Variants in BRPF1 observed in about 807,000 individuals in gnomAD.
BRPF1 encodes the protein peregrin.
In BRPF1, 15 loss-of-function variants were observed where a neutral mutation model predicts 115.0. The observed-to-expected ratio is 0.13, with a 90% CI of 0.09 to 0.20. BRPF1 has a LOEUF of 0.20. Among genes scored for constraint, BRPF1 ranks in the 10% least tolerant of loss-of-function variants. The probability of loss-of-function intolerance (pLI) is 1.00; values close to 1 mark genes in which losing one functional copy is unlikely to be tolerated. For synonymous variants in BRPF1, 647 were observed against 619.8 expected (o/e 1.04, Z -0.65); for missense variants, 1,118 against 1,638.3 (o/e 0.68, Z 5.48).
intron 6 of BRPF1, 146 bp from the exon 7 acceptor site, chr3:9,742,798 C>T (rs1045313741): frequency 4.8e-5 from 46 of 957,216 alleles, no homozygotes; most frequent in Non-Finnish European, 6.7e-5. Flanking sequence ...CAGAATCCAG[C>T]TTTCCTTTCC....
At chr3:9,735,105 C>G (rs772974943) in intron 2 of BRPF1, among the ~76,000 whole-genome samples, 1 of 151,050 alleles carries the variant, frequency 6.6e-6, no homozygotes, top group Non-Finnish European at 1.5e-5. Flanking sequence ...TTCCTCCTTC[C>G]GTGCTTAAGT....
At chr3:9,736,052 C>CTG (rs1408627312) in intron 2 of BRPF1, among the ~76,000 whole-genome samples, 14 of 40 alleles carry the variant, frequency 0.35, 1 homozygote, top group Admixed American at 0.5. Flanking sequence ...CGCTCTGTCA[C>CTG]CCAGGCTGGA....
At position 9,734,577 on chromosome 3, in the gene BRPF1, C is replaced by T. The variant is rs1357592835; in HGVS notation, c.437C>T (p.Pro146Leu). 1 of 1,614,102 alleles carries T rather than the reference C, an allele frequency of 6.2e-7. No homozygotes were observed. Among genetic ancestry groups the T allele is most frequent in the Non-Finnish European group, 8.5e-7 (1 of 1,180,030 alleles). The change falls in exon 2 of 14, where the codon CCC (proline) becomes CTC (leucine). Residue 146 changes from proline to leucine, a missense_variant. Transcript: ENST00000383829. The surrounding 1 kb of genome is among the most constrained non-coding windows in gnomAD (Gnocchi z 5.7). Reference protein sequence around the residue: ...KENTETPAATPKSGKHKNKEK... With the variant: ...KENTETPAATLKSGKHKNKEK... ...AACACTGAGACACCAGCTGCTACTC[C>T]CAAGTCAGGCAAACATAAGAACAAG...
At chr3:9,744,138 C>CT in intron 8 of BRPF1, 86 bp from the exon 9 acceptor site, 2 of 1,435,418 alleles carry the variant, frequency 1.4e-6, no homozygotes, top group South Asian at 2.9e-5. Flanking sequence ...AGTAATGGTC[C>CT]TATATGCCCA....
At position 9,745,872 on chromosome 3, in the gene BRPF1, T is replaced by C; in HGVS notation, c.3266T>C (p.Leu1089Pro). The part of the protein sequence containing the change: ...GWLSEDEDSP[L>P]DALDLVWAKC... ...CTGTCAGAGGATGAGGACTCCCCGC[T>C]GGATGCTCTGGACCTCGTGTGGGCC... Residue 1089 changes from leucine to proline, a missense_variant, in exon 12 of 14, where the codon CTG (leucine) becomes CCG (proline). Leu to Pro is a moderately conservative substitution (Grantham distance 98). Around this residue, in one of 10 missense-constraint regions of BRPF1, gnomAD observed 100 missense variants for 109.9 expected, o/e 0.91. Transcript: ENST00000383829. This position sits in a 1 kb window ranked among gnomAD's most constrained non-coding sequence, Gnocchi z 5.1. The C allele has an allele frequency of 6.2e-7, 1 of 1,614,190 alleles. No individual in the cohort carries two copies. The highest frequency in any genetic ancestry group is 8.5e-7 in the Non-Finnish European group (1 of 1,180,028).
rs147640432 is a variant in BRPF1, at chr3:9,746,690, T to C, written c.3479+236T>C. 2.8e-3 allele frequency among the ~76,000 whole-genome samples: 430 copies of C among 152,250 alleles called. 2 individuals carry two copies. Among genetic ancestry groups the C allele is most frequent in the Non-Finnish European group, 4.7e-3 (321 of 68,014 alleles). The stretch of plus-strand genomic sequence containing the variant: ...AAACCAAAGGACCATCAGAGACTTA[T>C]GACAAATATAGAGGTGGCTCCCACC... On this transcript the variant is annotated intron_variant, in intron 13 of 13. Transcript: ENST00000383829.
At position 9,743,215 on chromosome 3, in the gene BRPF1, G is replaced by T; in HGVS notation, c.2273G>T (p.Ser758Ile). Residue 758 changes from serine (S) to isoleucine (I), a missense_variant, in exon 7 of 14, where the codon AGC becomes ATC. Ser to Ile is a moderately radical substitution (Grantham distance 142). This residue lies in a region of BRPF1 where 223 missense variants were observed against 240.7 expected (regional missense o/e 0.93). Coordinates refer to ENST00000383829, the MANE Select transcript of BRPF1 (RefSeq NM_001003694.2). This position sits in a 1 kb window ranked among gnomAD's most constrained non-coding sequence, Gnocchi z 6.1. ...GAGACGGGCATGCATATCCCCCACA[G>T]CCTGGCTGGAGATGAGGCCACACAC... ...DFETGMHIPH[S>I]LAGDEATHHT... 1 of 1,614,144 alleles carries T rather than the reference G, an allele frequency of 6.2e-7. No individual in the cohort carries two copies. Among genetic ancestry groups the T allele is most frequent in the Non-Finnish European group, 8.5e-7 (1 of 1,179,988 alleles).
In BRPF1 at chr3:9,743,791, G is replaced by T. The variant is rs368809369; in HGVS notation, c.2525G>T (p.Arg842Leu). Residue 842 changes from arginine to leucine, a missense_variant, in exon 8 of 14, where the codon CGG becomes CTG. Physicochemically the swap from Arg to Leu is moderately radical, Grantham distance 102. Coordinates refer to ENST00000383829, the MANE Select transcript of BRPF1 (RefSeq NM_001003694.2). This position sits in a 1 kb window ranked among gnomAD's most constrained non-coding sequence, Gnocchi z 6.1. ...QRETGRDGPE[R>L]HGPSSRGSLT... is the part of the protein sequence containing the mutation. ...GAGACGGGACGTGATGGCCCTGAGC[G>T]GCATGGCCCCTCGAGCCGGGGTAGT... 1.9e-6 allele frequency: 3 copies of T among 1,613,494 alleles called. No individual in the cohort carries two copies. The African/African-American group carries it at 4.0e-5, about 22-fold the overall frequency.
Position 9,743,242 on chromosome 3 carries a change from A to T in BRPF1, c.2300A>T (p.His767Leu), listed in dbSNP as rs2077062119. 1 of 1,612,346 alleles carries T rather than the reference A, an allele frequency of 6.2e-7. No individual in the cohort carries two copies. Among genetic ancestry groups the T allele is most frequent in the Non-Finnish European group, 8.5e-7 (1 of 1,178,746 alleles). ...CTGGCTGGAGATGAGGCCACACACCACACTGAAGATGGTGGGTGATATATC... is the reference window on the plus strand; with the variant it reads ...CTGGCTGGAGATGAGGCCACACACCTCACTGAAGATGGTGGGTGATATATC... The part of the protein sequence containing the change: ...HSLAGDEATH[H>L]TEDAAEEERL... The change falls in exon 7 of 14, where the codon CAC becomes CTC. Residue 767 changes from histidine to leucine, a missense_variant. Coordinates refer to ENST00000383829, the MANE Select transcript of BRPF1 (RefSeq NM_001003694.2). The surrounding 1 kb of genome is among the most constrained non-coding windows in gnomAD (Gnocchi z 6.1).
rs2077151716 is a variant in BRPF1, at chr3:9,747,712, G to C, written c.*363G>C. The C allele has an allele frequency of 5.2e-6, 1 of 192,244 alleles. No homozygotes were observed. The highest frequency in any genetic ancestry group is 1.4e-4 in the South Asian group (1 of 6,936). The allele number at this position is 192,244 out of a possible 1,614,324, so 11.9% of individuals were successfully genotyped here. Reference sequence around the variant, plus strand: ...GAATCCATAACTGCCTAGAGGCCTGGGGCCCCTACCGGTCGTGAGGTGAGT... The same window carrying C: ...GAATCCATAACTGCCTAGAGGCCTGCGGCCCCTACCGGTCGTGAGGTGAGT... On this transcript the variant is annotated 3_prime_UTR_variant, in exon 14 of 14. Coordinates refer to ENST00000383829, the MANE Select transcript of BRPF1 (RefSeq NM_001003694.2). The surrounding 1 kb of genome is among the most constrained non-coding windows in gnomAD (Gnocchi z 5.6).
At position 9,739,239 on chromosome 3, in the gene BRPF1, T is replaced by C. The variant is rs143788941; in HGVS notation, c.840T>C (p.Asn280=). 1.9e-6 allele frequency: 3 copies of C among 1,613,230 alleles called. No homozygotes were observed. Among genetic ancestry groups the C allele is most frequent in the African/African-American group, 1.3e-5 (1 of 74,898 alleles). ...VDEDAVCCIC[N]DGECQNSNVI... Reference sequence around the variant, plus strand: ...AGGATGCTGTTTGCTGTATCTGCAATGATGGTGAGTGCCAGAACAGCAATG... The same window carrying C: ...AGGATGCTGTTTGCTGTATCTGCAACGATGGTGAGTGCCAGAACAGCAATG... The change falls in exon 3 of 14, where the codon AAT becomes AAC. Residue 280 remains asparagine (N), a synonymous_variant. Coordinates refer to ENST00000383829, the MANE Select transcript of BRPF1 (RefSeq NM_001003694.2).
Position 9,745,683 on chromosome 3 carries a change from G to C in BRPF1, c.3179G>C (p.Gly1060Ala), listed in dbSNP as rs772219277. ...SGTENEAYSV[G>A]TGRGVGHSMV... is the part of the protein sequence containing the mutation. ...ACTGAGAATGAGGCCTACTCCGTGG[G>C]CACTGGCCGCGGCGTGGGCCACAGC... is the stretch of plus-strand genomic sequence containing the variant. Residue 1060 changes from glycine to alanine, a missense_variant, in exon 11 of 14, where the codon GGC becomes GCC. Physicochemically the swap from Gly to Ala is moderately conservative, Grantham distance 60 (BLOSUM62 0). Coordinates refer to ENST00000383829, the MANE Select transcript of BRPF1 (RefSeq NM_001003694.2). This position sits in a 1 kb window ranked among gnomAD's most constrained non-coding sequence, Gnocchi z 5.1. 6.2e-7 allele frequency: 1 copy of C among 1,614,222 alleles called. No individual in the cohort carries two copies. The highest frequency in any genetic ancestry group is 8.5e-7 in the Non-Finnish European group (1 of 1,180,018).
In BRPF1 at chr3:9,745,958, C is replaced by G. The variant is rs1262071604; in HGVS notation, c.3324+28C>G. ...ATGCTTGCTTCTGTTACACTTCTTG[C>G]TTTCCAATCCCAGAATACAGATTCA... On this transcript the variant is annotated intron_variant, in intron 12 of 13. Coordinates refer to ENST00000383829, the MANE Select transcript of BRPF1 (RefSeq NM_001003694.2). The surrounding 1 kb of genome is among the most constrained non-coding windows in gnomAD (Gnocchi z 5.1). 1 of 1,590,304 alleles carries G rather than the reference C, an allele frequency of 6.3e-7. No homozygotes were observed. The highest frequency in any genetic ancestry group is 1.1e-5 in the South Asian group (1 of 88,230).
chr3:9,740,044 G>A (rs1287713690), intron 3 of BRPF1, 86 bp downstream of exon 3: 2 of 1,449,678 alleles, frequency 1.4e-6, no homozygotes, highest in Non-Finnish European at 9.1e-7. Flanking sequence ...GGAATGGCAG[G>A]GCTGGGCTAT....
chr3:9,735,616 G>A (rs1017379328), intron 2 of BRPF1, among the ~76,000 whole-genome samples: 2 of 152,126 alleles, frequency 1.3e-5, no homozygotes, highest in Admixed American at 1.3e-4. Context: ...CCCACTATTT[G>A]TTCTGTTATT....
intron 2 of BRPF1, among the ~76,000 whole-genome samples, chr3:9,737,343 A>C (rs976722388): frequency 1.3e-5 from 2 of 152,230 alleles, no homozygotes; most frequent in Non-Finnish European, 2.9e-5. Flanking sequence ...AAAAACTAAT[A>C]AGTTAACATT....
At chr3:9,735,159 A>G (rs770566607) in intron 2 of BRPF1, among the ~76,000 whole-genome samples, 6 of 151,752 alleles carry the variant, frequency 4.0e-5, no homozygotes, top group African/African-American at 1.2e-4. Flanking sequence ...CTACAGGCAC[A>G]TGCCACCATG....
rs1304943293 is a variant in BRPF1 at position 9,745,718 on chromosome 3, C to A, written c.3205+9C>A. The A allele has an allele frequency of 6.2e-7, 1 of 1,613,650 alleles. No individual in the cohort carries two copies. Among genetic ancestry groups the A allele is most frequent in the East Asian group, 2.2e-5 (1 of 44,856 alleles). On this transcript the variant is annotated intron_variant, in intron 11 of 13. Transcript: ENST00000383829. The surrounding 1 kb of genome is among the most constrained non-coding windows in gnomAD (Gnocchi z 5.1). Reference sequence around the variant, plus strand: ...CGGCGTGGGCCACAGCAGTAAGTTCCCTTGCCCAAGGCCAGGGATGCTGGG... The same window carrying A: ...CGGCGTGGGCCACAGCAGTAAGTTCACTTGCCCAAGGCCAGGGATGCTGGG...
chr3:9,739,652 G>A lies in BRPF1; in HGVS notation c.1253G>A (p.Gly418Asp). 5.6e-6 allele frequency: 9 copies of A among 1,611,956 alleles called. No individual in the cohort carries two copies. The highest frequency in any genetic ancestry group is 7.6e-6 in the Non-Finnish European group (9 of 1,178,126). ...CATGTGACATGCGCCCAGCAGGCTG[G>A]CCTTTACATGAAGATGGAGCCTGTG... ...AFHVTCAQQA[G>D]LYMKMEPVRE... The change falls in exon 3 of 14, where the codon GGC becomes GAC. Residue 418 changes from glycine (G) to aspartate (D), a missense_variant. Around this residue, in one of 10 missense-constraint regions of BRPF1, gnomAD observed 87 missense variants for 93.4 expected, o/e 0.93. Transcript: ENST00000383829.
Sources: gnomAD v4.1 joint callset for allele counts (sites outside exome capture counted in the v4.1 genomes callset) on GRCh38, gnomAD v4.1.1 for gene constraint, gnomAD v4.1.1 regional missense constraint, Gnocchi (gnomAD v3.1) non-coding constraint, MANE v1.5 for transcripts, NCBI Gene and HGNC (gene_info 2026-07-23, HGNC 2026-07-21) for gene names.